The following LIMCH1 variants were observed in gnomAD, a reference collection of about 807,000 sequenced individuals.
LIMCH1 encodes LIM and calponin homology domains 1.
A neutral mutation model predicts 176.5 loss-of-function variants in LIMCH1; 113 were observed. The observed-to-expected ratio is 0.64, with a 90% CI of 0.55 to 0.75. LIMCH1 has a LOEUF of 0.75. Among genes scored for constraint, LIMCH1 ranks in the 30% least tolerant of loss-of-function variants. The probability of loss-of-function intolerance (pLI) is 0.00; values close to 1 mark genes in which losing one functional copy is unlikely to be tolerated. For missense variants in LIMCH1, 1,674 were observed against 1,814.9 expected (o/e 0.92, Z 1.41); for synonymous variants, 619 against 645.9 (o/e 0.96, Z 0.63).
At chr4:41,636,846 G>A (rs2093614616) in intron 13 of LIMCH1, among the ~76,000 whole-genome samples, 1 of 152,184 alleles carries the variant, frequency 6.6e-6, no homozygotes, top group Non-Finnish European at 1.5e-5. Context: ...CATACTATTT[G>A]AGTCTGTTTA....
intron 1 of LIMCH1, among the ~76,000 whole-genome samples, chr4:41,574,802 T>C (rs1299584191): frequency 6.6e-6 from 1 of 152,172 alleles, no homozygotes; most frequent in Non-Finnish European, 1.5e-5. Context: ...GGTTGGGCAC[T>C]TGGGGGTAGG....
intron 23 of LIMCH1, among the ~76,000 whole-genome samples, chr4:41,678,186 C>T (rs1256899125): frequency 6.6e-6 from 1 of 151,236 alleles, no homozygotes; most frequent in Admixed American, 6.6e-5. Context: ...ACATGCAGTG[C>T]GTAGAAAGCA....
In LIMCH1 at chr4:41,680,945, T is replaced by C. The variant is rs745804873; in HGVS notation, c.3613-10T>C. 1.3e-6 allele frequency: 2 copies of C among 1,487,190 alleles called. No individual in the cohort carries two copies. The highest frequency in any genetic ancestry group is 2.3e-5 in the South Asian group (2 of 86,102). The allele number at this position is 1,487,190 out of a possible 1,614,324, so 92.1% of individuals were successfully genotyped here. ...TCCCCCCTTTCATCGATTCCTGTCC[T>C]TCCCCTTAGGAGCGTAAGATAATTG... On this transcript the variant is annotated splice_polypyrimidine_tract_variant and intron_variant, in intron 24 of 31. Coordinates refer to ENST00000503057, the MANE Select transcript of LIMCH1 (RefSeq NM_001330672.2).
Position 41,471,070 on chromosome 4 carries a change from T to G in LIMCH1, c.97-23466T>G, listed in dbSNP as rs547424971. Among the ~76,000 whole-genome samples, 3 of 150,518 alleles carry G rather than the reference T, an allele frequency of 2.0e-5. No homozygotes were observed. The East Asian group carries it at 5.8e-4, about 29-fold the overall frequency. On this transcript the variant is annotated intron_variant, in intron 1 of 26. Coordinates refer to the LIMCH1 transcript ENST00000313860. Reference sequence around the variant, plus strand: ...TAACATAGATGGAAGACTAATCATGTCTAGAGGTTGGAGTTTTGAATTGTT... The same window carrying G: ...TAACATAGATGGAAGACTAATCATGGCTAGAGGTTGGAGTTTTGAATTGTT...
At chr4:41,647,213 G>A (rs912833568) in intron 17 of LIMCH1, among the ~76,000 whole-genome samples, 2 of 152,114 alleles carry the variant, frequency 1.3e-5, no homozygotes, top group Admixed American at 1.3e-4. Context: ...CCCTAATTTA[G>A]TAATACCCTA....
At chr4:41,487,110 C>T (rs1340683549) in intron 1 of LIMCH1, among the ~76,000 whole-genome samples, 2 of 152,066 alleles carry the variant, frequency 1.3e-5, no homozygotes, top group East Asian at 1.9e-4. Flanking sequence ...CCACCCGCCT[C>T]GGACTCCCAA....
intron 3 of LIMCH1, among the ~76,000 whole-genome samples, chr4:41,532,497 C>T (rs1172067494): frequency 6.6e-6 from 1 of 152,194 alleles, no homozygotes; most frequent in African/African-American, 2.4e-5. Context: ...GTACATCACA[C>T]TCGGAAACCA....
At chr4:41,381,994 G>T (rs1297802092) in intron 1 of LIMCH1, among the ~76,000 whole-genome samples, 1 of 152,206 alleles carries the variant, frequency 6.6e-6, no homozygotes, top group African/African-American at 2.4e-5. Flanking sequence ...GACATTGCCA[G>T]ATGCCCCCAA....
chr4:41,508,894 T>C (rs546671867), intron 2 of LIMCH1, among the ~76,000 whole-genome samples: 12 of 152,226 alleles, frequency 7.9e-5, no homozygotes, highest in Non-Finnish European at 1.2e-4. Context: ...AGTCAACTGA[T>C]CATGATTCCA....
At chr4:41,474,332 C>T (rs999551875) in intron 1 of LIMCH1, among the ~76,000 whole-genome samples, 1 of 152,054 alleles carries the variant, frequency 6.6e-6, no homozygotes, top group African/African-American at 2.4e-5. Context: ...ACTAAAAATA[C>T]AAAAATTAGC....
intron 1 of LIMCH1, among the ~76,000 whole-genome samples, chr4:41,575,726 A>C (rs1176374151): frequency 6.6e-6 from 1 of 152,162 alleles, no homozygotes; most frequent in Non-Finnish European, 1.5e-5. Context: ...CTGGAGCTTA[A>C]ATACATGAAG....
chr4:41,588,174 G>A (rs2086823386), intron 1 of LIMCH1, among the ~76,000 whole-genome samples: 1 of 151,898 alleles, frequency 6.6e-6, no homozygotes, highest in South Asian at 2.1e-4. Context: ...CTATGAGTGA[G>A]AATATGCGGT....
At chr4:41,485,370 C>T (rs1164042583) in intron 1 of LIMCH1, among the ~76,000 whole-genome samples, 1 of 152,188 alleles carries the variant, frequency 6.6e-6, no homozygotes, top group Non-Finnish European at 1.5e-5. Context: ...TTAAAATCAT[C>T]AAGATTTTGG....
intron 1 of LIMCH1, among the ~76,000 whole-genome samples, chr4:41,578,116 A>C (rs188511849): frequency 6.6e-6 from 1 of 152,314 alleles, no homozygotes; most frequent in Admixed American, 6.5e-5. Context: ...CATGTATATC[A>C]TTTTAAGATG....
At chr4:41,451,272 C>G (rs1452310031) in intron 1 of LIMCH1, among the ~76,000 whole-genome samples, 1 of 151,560 alleles carries the variant, frequency 6.6e-6, no homozygotes, top group African/African-American at 2.4e-5. Context: ...TGTGCCACCA[C>G]GCCTGGCTAA....
intron 31 of LIMCH1, among the ~76,000 whole-genome samples, chr4:41,696,754 T>A (rs1388132514): frequency 6.6e-6 from 1 of 152,186 alleles, no homozygotes; most frequent in East Asian, 1.9e-4. Flanking sequence ...CATATTACAA[T>A]GTACTTATTC....
chr4:41,380,661 A>G (rs2055521051), intron 1 of LIMCH1, among the ~76,000 whole-genome samples: 1 of 152,172 alleles, frequency 6.6e-6, no homozygotes, highest in African/African-American at 2.4e-5. Context: ...AGTGATTGCA[A>G]TGTGCAGCCA....
intron 1 of LIMCH1, among the ~76,000 whole-genome samples, chr4:41,372,840 T>C (rs1304876606): frequency 6.6e-6 from 1 of 152,136 alleles, no homozygotes; most frequent in Non-Finnish European, 1.5e-5. Context: ...GAGTTGGAAA[T>C]GAGGAAACTG....
At chr4:41,587,376 G>A (rs1185276033) in intron 1 of LIMCH1, among the ~76,000 whole-genome samples, 1 of 152,138 alleles carries the variant, frequency 6.6e-6, no homozygotes, top group Non-Finnish European at 1.5e-5. Context: ...CCCTAGACAG[G>A]TCAATATGGG....
Sources: gnomAD v4.1 joint callset for allele counts (sites outside exome capture counted in the v4.1 genomes callset) on GRCh38, gnomAD v4.1.1 for gene constraint, MANE v1.5 for transcripts, NCBI Gene and HGNC (gene_info 2026-07-23, HGNC 2026-07-21) for gene names.